Variants in STARD13 observed in about 807,000 individuals in gnomAD.
STARD13 encodes StAR related lipid transfer domain containing 13, also known as stAR-related lipid transfer protein 13.
A neutral mutation model predicts 106.4 loss-of-function variants in STARD13; 62 were observed. The ratio of observed to expected loss-of-function variants is 0.58; its 90% confidence interval spans 0.48 to 0.72. The LOEUF is 0.72. Among genes scored for constraint, STARD13 ranks in the 30% least tolerant of loss-of-function variants. The pLI is 0.00. For missense variants in STARD13, 1,387 were observed against 1,424.0 expected (o/e 0.97, Z 0.42); for synonymous variants, 565 against 553.0 (o/e 1.02, Z -0.31).
chr13:33,242,152 C>T lies in STARD13; in HGVS notation c.169+43318G>A, dbSNP rs550228840. ...AAGGTGAGGAGCGTCTCTGACCGGC[C>T]GCCCCGTCTGAGAAGTGAGGAGCCC... On this transcript the variant is annotated intron_variant, in intron 1 of 13. Coordinates refer to ENST00000336934, the MANE Select transcript of STARD13 (RefSeq NM_178006.4). Among the ~76,000 whole-genome samples, 186 of 152,262 alleles carry T rather than the reference C, an allele frequency of 1.2e-3. 1 individual carries two copies. The highest frequency in any genetic ancestry group is 3.7e-3 in the African/African-American group (154 of 41,578).
At position 33,331,186 on chromosome 13, in the gene STARD13, T is replaced by A. The variant is rs539584355; in HGVS notation, c.124+19104A>T. Among the ~76,000 whole-genome samples, 13 of 152,278 alleles carry A rather than the reference T, an allele frequency of 8.5e-5. No individual in the cohort carries two copies. The South Asian group carries it at 2.1e-3, about 24-fold the overall frequency. On this transcript the variant is annotated intron_variant, in intron 1 of 5. Transcript: ENST00000567873. ...TCTTGCACTTCAGGTCCCAGCAACA[T>A]CAAATAATTCCTCATGCTGCTCCGT...
chr13:33,143,787 G>A (rs1194946295), intron 3 of STARD13, among the ~76,000 whole-genome samples: 15 of 151,926 alleles, frequency 9.9e-5, no homozygotes, highest in South Asian at 2.1e-4. Flanking sequence ...TCCTGACCTC[G>A]TGATCCACCC....
At chr13:33,336,154 T>C (rs1369049992) in intron 1 of STARD13, 1 of 152,238 alleles carries the variant, frequency 6.6e-6, no homozygotes, top group Non-Finnish European at 1.5e-5. Flanking sequence ...TATTCAAGTA[T>C]GGATACAGGA....
chr13:33,358,742 G>C, the STARD13 span, among the ~76,000 whole-genome samples: 1 of 151,876 alleles, frequency 6.6e-6, no homozygotes, highest in African/African-American at 2.4e-5. Flanking sequence ...GTATCTAGCT[G>C]CTCTGGTGAG....
chr13:33,337,435 C>T (rs1427430426), intron 1 of STARD13, among the ~76,000 whole-genome samples: 1 of 152,132 alleles, frequency 6.6e-6, no homozygotes, highest in Non-Finnish European at 1.5e-5. Flanking sequence ...TTCCTCAGTA[C>T]CACAATACTT....
the STARD13 span, among the ~76,000 whole-genome samples, chr13:33,523,672 G>A: frequency 9.2e-3 from 1,395 of 152,074 alleles, 9 homozygotes; most frequent in South Asian, 0.015. Flanking sequence ...AGAAAAGGTT[G>A]GTCAATTTTT....
intron 9 of STARD13, 24 bp downstream of exon 9, chr13:33,112,694 CTGT>C: frequency 6.5e-7 from 1 of 1,537,134 alleles, no homozygotes; most frequent in South Asian, 1.3e-5. Flanking sequence ...TTTGGGATTA[CTGT>C]TGTTACTGAG....
Position 33,105,587 on chromosome 13 carries a change from C to A in STARD13, c.*6G>T, listed in dbSNP as rs775244876. ...TCCCTGAGTTTGATGTCACACTGGGCAAAACTCAGATTTTAGTTTCTGGGC... is the reference window on the plus strand; with the variant it reads ...TCCCTGAGTTTGATGTCACACTGGGAAAAACTCAGATTTTAGTTTCTGGGC... On this transcript the variant is annotated 3_prime_UTR_variant, in exon 14 of 14. Transcript: ENST00000336934. The A allele has an allele frequency of 6.9e-6, 11 of 1,599,554 alleles. No homozygotes were observed. Among genetic ancestry groups the A allele is most frequent in the South Asian group, 5.5e-5 (5 of 90,816 alleles).
chr13:33,219,716 G>A (rs1888244089), intron 1 of STARD13, among the ~76,000 whole-genome samples: 1 of 147,680 alleles, frequency 6.8e-6, no homozygotes, highest in Admixed American at 6.9e-5. Context: ...AAGGCAGGAG[G>A]ATCTTGAGCC....
chr13:33,146,079 C>T (rs1204132801), intron 3 of STARD13, among the ~76,000 whole-genome samples: 1 of 152,022 alleles, frequency 6.6e-6, no homozygotes, highest in Admixed American at 6.5e-5. Flanking sequence ...AATCCCAGCA[C>T]TTTGGGAGGT....
chr13:33,340,875 G>A (rs548720162), intron 1 of STARD13, among the ~76,000 whole-genome samples: 3 of 152,278 alleles, frequency 2.0e-5, no homozygotes, highest in East Asian at 1.9e-4. Flanking sequence ...GGGCAGCATA[G>A]TAAAATTTAT....
At chr13:33,463,472 A>G in the STARD13 span, among the ~76,000 whole-genome samples, 1 of 152,144 alleles carries the variant, frequency 6.6e-6, no homozygotes, top group Non-Finnish European at 1.5e-5. Flanking sequence ...GCACTGGTGG[A>G]TGTATATTTT....
intron 1 of STARD13, among the ~76,000 whole-genome samples, chr13:33,291,138 A>G (rs909861956): frequency 3.9e-5 from 6 of 152,256 alleles, no homozygotes; most frequent in African/African-American, 1.4e-4. Flanking sequence ...CTCTACCTGC[A>G]TATACAGAGT....
At chr13:33,622,187 G>C in the STARD13 span, among the ~76,000 whole-genome samples, 2 of 152,118 alleles carry the variant, frequency 1.3e-5, no homozygotes, top group African/African-American at 2.4e-5. Flanking sequence ...AGAGCATAGT[G>C]GAAGAGGAAA....
chr13:33,273,253 A>G (rs1891248891), intron 1 of STARD13, among the ~76,000 whole-genome samples: 1 of 152,226 alleles, frequency 6.6e-6, no homozygotes, highest in African/African-American at 2.4e-5. Context: ...TGCATGTGGA[A>G]TTGCTCCACA....
intron 3 of STARD13, among the ~76,000 whole-genome samples, chr13:33,157,001 A>AT (rs1373804894): frequency 1.3e-5 from 2 of 152,236 alleles, no homozygotes; most frequent in African/African-American, 4.8e-5. Flanking sequence ...AATACTGTAC[A>AT]TTTTCTGTGA....
intron 1 of STARD13, among the ~76,000 whole-genome samples, chr13:33,270,210 T>C (rs998476919): frequency 3.3e-5 from 5 of 152,204 alleles, no homozygotes; most frequent in African/African-American, 1.2e-4. Context: ...CACTCTAGCC[T>C]GGGCAACAGA....
chr13:33,518,159 C>G, the STARD13 span, among the ~76,000 whole-genome samples: 1 of 152,180 alleles, frequency 6.6e-6, no homozygotes, highest in East Asian at 1.9e-4. Context: ...CTGTGTTGTG[C>G]CCATTTCTGA....
rs146460760 is a variant in STARD13 at position 33,285,153 on chromosome 13, T to C, written c.169+317A>G. Among the ~76,000 whole-genome samples, 228 of 152,280 alleles carry C rather than the reference T, an allele frequency of 1.5e-3. 3 individuals are homozygous for C. Among genetic ancestry groups the C allele is most frequent in the African/African-American group, 5.3e-3 (219 of 41,550 alleles). ...TAAATGTGACGGAGTGTGAGGAAAC[T>C]GCAGAAAAGCTCCTAAGATACACAC... On this transcript the variant is annotated intron_variant, in intron 1 of 13. Transcript: ENST00000336934.
Sources: gnomAD v4.1 joint callset for allele counts (sites outside exome capture counted in the v4.1 genomes callset) on GRCh38, gnomAD v4.1.1 for gene constraint, MANE v1.5 for transcripts, NCBI Gene and HGNC (gene_info 2026-07-23, HGNC 2026-07-21) for gene names.